The following ZSWIM6 variants were observed in gnomAD, a reference collection of about 807,000 sequenced individuals.
ZSWIM6 encodes the protein zinc finger SWIM-type containing 6, also known as zinc finger SWIM domain-containing protein 6.
ZSWIM6 carries 9 observed loss-of-function variants against 113.2 expected under a neutral mutation model. The observed-to-expected ratio is 0.08, with a 90% confidence interval of 0.05 to 0.14. The LOEUF is 0.14. Ranked by LOEUF, ZSWIM6 falls within the 10% of genes least tolerant of loss-of-function variation. ZSWIM6 has a pLI of 1.00. For synonymous variants in ZSWIM6, 611 were observed against 606.5 expected (o/e 1.01, Z -0.11); for missense variants, 1,162 against 1,552.2 (o/e 0.75, Z 4.22).
rs549767866 is a variant in ZSWIM6 at position 61,519,365 on chromosome 5, T to C, written c.1334-1898T>C. Among the ~76,000 whole-genome samples the C allele has an allele frequency of 1.2e-4, 19 of 152,244 alleles. 1 individual carries two copies. In the South Asian group the frequency reaches 3.1e-3, roughly 25 times the overall value. ...CCAGCTCAATAAGCGTTCTCAAGTT[T>C]TTGCTGCATGTGTCGTTTATAAAGT... On this transcript the variant is annotated intron_variant, in intron 4 of 13. Transcript: ENST00000252744.
rs1278219624 is a variant in ZSWIM6 at position 61,338,933 on chromosome 5, TAA to T, written c.676+5986_676+5987del. ...AATTATTGCAATTAATTGAACAGTT[TAA>T]GTCATTATTGTTCTAAGTATGTCCT... On this transcript the variant is annotated intron_variant, in intron 1 of 13. Coordinates refer to ENST00000252744, the MANE Select transcript of ZSWIM6 (RefSeq NM_020928.2). 3.3e-5 allele frequency among the ~76,000 whole-genome samples: 5 copies of T among 152,332 alleles called. No homozygotes were observed. The East Asian group carries it at 9.6e-4, about 29-fold the overall frequency.
chr5:61,540,100 A>G (rs1749688953), intron 12 of ZSWIM6, among the ~76,000 whole-genome samples: 1 of 152,254 alleles, frequency 6.6e-6, no homozygotes, highest in South Asian at 2.1e-4. Flanking sequence ...GCTAGCATGT[A>G]TAATGAAGAT....
At chr5:61,368,317 T>C (rs1227806829) in intron 1 of ZSWIM6, among the ~76,000 whole-genome samples, 1 of 152,232 alleles carries the variant, frequency 6.6e-6, no homozygotes, top group Non-Finnish European at 1.5e-5. Context: ...AAGATAGATA[T>C]TTTAAAATTT....
At chr5:61,406,175 T>C (rs1314271167) in intron 1 of ZSWIM6, among the ~76,000 whole-genome samples, 1 of 152,204 alleles carries the variant, frequency 6.6e-6, no homozygotes, top group African/African-American at 2.4e-5. Flanking sequence ...TGCTATCTCT[T>C]TGGGGAACCA....
intron 4 of ZSWIM6, among the ~76,000 whole-genome samples, chr5:61,516,861 ATT>A (rs764439616): frequency 2.0e-5 from 3 of 151,840 alleles, no homozygotes; most frequent in Non-Finnish European, 4.4e-5. Context: ...AATACTGTAA[ATT>A]TTCCCTGATC....
chr5:61,523,185 C>T (rs1265438217), intron 5 of ZSWIM6, among the ~76,000 whole-genome samples: 2 of 152,186 alleles, frequency 1.3e-5, no homozygotes, highest in African/African-American at 2.4e-5. Context: ...CTGTAGTGCC[C>T]TTCCCTGTAA....
At chr5:61,381,892 T>C (rs924281480) in intron 1 of ZSWIM6, among the ~76,000 whole-genome samples, 1 of 152,208 alleles carries the variant, frequency 6.6e-6, no homozygotes, top group Admixed American at 6.5e-5. Context: ...AGGCTTTTCA[T>C]GTGGAAGTAG....
chr5:61,429,003 C>T (rs1483217200), intron 1 of ZSWIM6, among the ~76,000 whole-genome samples: 1 of 152,172 alleles, frequency 6.6e-6, no homozygotes, highest in Non-Finnish European at 1.5e-5. Context: ...AACAGATTCT[C>T]AATGATTTAG....
At chr5:61,428,194 A>G (rs1225365908) in intron 1 of ZSWIM6, among the ~76,000 whole-genome samples, 3 of 152,322 alleles carry the variant, frequency 2.0e-5, no homozygotes, top group Non-Finnish European at 4.4e-5. Context: ...GGCAAGAAAG[A>G]CATTTGTTTT....
intron 1 of ZSWIM6, among the ~76,000 whole-genome samples, chr5:61,353,971 A>G (rs1214708980): frequency 1.3e-5 from 2 of 152,186 alleles, no homozygotes; most frequent in Non-Finnish European, 2.9e-5. Context: ...TGCTGTAGAC[A>G]TTCTCTTACT....
In ZSWIM6 at chr5:61,332,786, G is replaced by C; in HGVS notation, c.514G>C (p.Ala172Pro). The C allele has an allele frequency of 1.2e-6, 1 of 813,028 alleles. No individual in the cohort carries two copies. Among genetic ancestry groups the C allele is most frequent in the Non-Finnish European group, 1.5e-6 (1 of 684,512 alleles). The allele number at this position is 813,028 out of a possible 1,614,324, so 50.4% of individuals were successfully genotyped here. ...GGCGGCCGCAACCTCGGCCGCCGCC[G>C]CCGCTGCCGCCGCCGCCGCCGCCGC... is the stretch of plus-strand genomic sequence containing the variant. ...TSAAATSAAA[A>P]AAAAAAAAAA... is the part of the protein sequence containing the mutation. The change falls in exon 1 of 14, where the codon GCC (alanine) becomes CCC (proline). Residue 172 changes from alanine (A) to proline (P), a missense_variant. Physicochemically the swap from Ala to Pro is conservative, Grantham distance 27. Transcript: ENST00000252744.
chr5:61,497,337 A>C (rs1208735122), intron 4 of ZSWIM6, among the ~76,000 whole-genome samples: 2 of 152,166 alleles, frequency 1.3e-5, no homozygotes, highest in East Asian at 3.8e-4. Flanking sequence ...TTGATGTTTC[A>C]AAATTAATTG....
intron 1 of ZSWIM6, among the ~76,000 whole-genome samples, chr5:61,354,481 T>C (rs1238618428): frequency 6.6e-6 from 1 of 152,188 alleles, no homozygotes; most frequent in Non-Finnish European, 1.5e-5. Flanking sequence ...CTGTATGCCT[T>C]AGGTGTGACG....
At chr5:61,366,401 A>T (rs895391329) in intron 1 of ZSWIM6, among the ~76,000 whole-genome samples, 2 of 152,030 alleles carry the variant, frequency 1.3e-5, no homozygotes, top group Non-Finnish European at 2.9e-5. Flanking sequence ...AATGTGTGGT[A>T]TCCTCAGCAT....
intron 4 of ZSWIM6, among the ~76,000 whole-genome samples, chr5:61,517,139 T>C (rs746440000): frequency 2.6e-5 from 4 of 152,120 alleles, no homozygotes; most frequent in Non-Finnish European, 5.9e-5. Flanking sequence ...GTTTATCTTA[T>C]TTGAGGTTGG....
At chr5:61,498,566 T>C (rs1748381151) in intron 4 of ZSWIM6, among the ~76,000 whole-genome samples, 1 of 152,172 alleles carries the variant, frequency 6.6e-6, no homozygotes, top group Non-Finnish European at 1.5e-5. Context: ...GCTAGATAGA[T>C]TGAGTGGTAT....
At chr5:61,377,574 G>A (rs1368090042) in intron 1 of ZSWIM6, among the ~76,000 whole-genome samples, 1 of 151,884 alleles carries the variant, frequency 6.6e-6, no homozygotes, top group Non-Finnish European at 1.5e-5. Context: ...AAAATTAGCC[G>A]GGCGTGGCGG....
At chr5:61,334,947 T>C (rs1011451647) in intron 1 of ZSWIM6, among the ~76,000 whole-genome samples, 2 of 151,472 alleles carry the variant, frequency 1.3e-5, no homozygotes, top group Non-Finnish European at 2.9e-5. Context: ...TTGCAAGCAA[T>C]GAGGAATGAC....
intron 1 of ZSWIM6, among the ~76,000 whole-genome samples, chr5:61,417,169 C>G (rs1375184232): frequency 1.3e-5 from 2 of 151,966 alleles, no homozygotes; most frequent in Non-Finnish European, 2.9e-5. Context: ...AAGCGCATAC[C>G]TTTGTTAGCA....
Sources: gnomAD v4.1 joint callset for allele counts (sites outside exome capture counted in the v4.1 genomes callset) on GRCh38, gnomAD v4.1.1 for gene constraint, MANE v1.5 for transcripts, NCBI Gene and HGNC (gene_info 2026-07-23, HGNC 2026-07-21) for gene names.